RANBP2: variants seen among roughly 807,000 people sequenced by gnomAD.
RANBP2 encodes E3 SUMO-protein ligase RanBP2.
RANBP2 carries 57 observed loss-of-function variants against 303.6 expected under a neutral mutation model. That is an observed-to-expected ratio of 0.19 (90% confidence interval 0.15 to 0.23). RANBP2 has a LOEUF of 0.23. RANBP2 is among the 10% of genes least tolerant of loss of function. The pLI, the probability that RANBP2 is intolerant of heterozygous loss-of-function variation, is 1.00. For synonymous variants in RANBP2, 1,167 were observed against 1,301.5 expected (o/e 0.90, Z 2.23); for missense variants, 3,138 against 3,780.8 (o/e 0.83, Z 4.46).
chr2:109,503,150 T>G, the RANBP2 span: 1 of 152,334 alleles, frequency 6.6e-6, no homozygotes, highest in South Asian at 2.1e-4. Flanking sequence ...TTCTCAAGAT[T>G]CACACCTTAG....
intron 23 of RANBP2, among the ~76,000 whole-genome samples, chr2:108,773,385 AAAT>A (rs1342553991): frequency 6.6e-6 from 1 of 152,104 alleles, no homozygotes; most frequent in Non-Finnish European, 1.5e-5. Flanking sequence ...TGTTCTTACC[AAAT>A]AATAATAATG....
At chr2:108,872,579 C>T in the RANBP2 span, among the ~76,000 whole-genome samples, 1 of 152,072 alleles carries the variant, frequency 6.6e-6, no homozygotes, top group Non-Finnish European at 1.5e-5. Flanking sequence ...GGCGTATATT[C>T]TAGAGGCTGG....
chr2:109,611,835 A>G, the RANBP2 span, among the ~76,000 whole-genome samples: 1 of 152,176 alleles, frequency 6.6e-6, no homozygotes, highest in African/African-American at 2.4e-5. Flanking sequence ...ACACCACCAA[A>G]TGCTGGTAAG....
chr2:109,167,584 T>C, the RANBP2 span, among the ~76,000 whole-genome samples: 1 of 152,188 alleles, frequency 6.6e-6, no homozygotes, highest in Admixed American at 6.5e-5. Flanking sequence ...ATTTAGTTGT[T>C]TATTTTTGAG....
At chr2:109,646,704 C>T in the RANBP2 span, among the ~76,000 whole-genome samples, 1 of 147,640 alleles carries the variant, frequency 6.8e-6, no homozygotes, top group East Asian at 2.0e-4. Flanking sequence ...TAGGGTTTCA[C>T]CATGTTGGCC....
the RANBP2 span, chr2:109,552,870 A>G: frequency 1.9e-5 from 10 of 522,196 alleles, no homozygotes; most frequent in Non-Finnish European, 6.6e-6. Flanking sequence ...TAGTGACTCC[A>G]TAAATGTACT....
the RANBP2 span, among the ~76,000 whole-genome samples, chr2:108,909,114 A>G: frequency 7.9e-5 from 12 of 152,308 alleles, no homozygotes; most frequent in East Asian, 2.3e-3. Context: ...TGTATTTAAT[A>G]TTCGTGTATG....
chr2:109,726,808 C>G, the RANBP2 span, among the ~76,000 whole-genome samples: 1 of 152,172 alleles, frequency 6.6e-6, no homozygotes, highest in African/African-American at 2.4e-5. Flanking sequence ...GGAATGTGGT[C>G]GGGGATAGGC....
At chr2:109,331,771 CTGAT>C in the RANBP2 span, among the ~76,000 whole-genome samples, 3 of 152,198 alleles carry the variant, frequency 2.0e-5, no homozygotes, top group Non-Finnish European at 4.4e-5. Flanking sequence ...TACTTGGTGA[CTGAT>C]TGAATGAATA....
the RANBP2 span, among the ~76,000 whole-genome samples, chr2:109,716,720 G>C: frequency 1.3e-5 from 2 of 152,054 alleles, no homozygotes; most frequent in Admixed American, 6.6e-5. Context: ...CTAATGTTTT[G>C]CACTTTTAGT....
the RANBP2 span, among the ~76,000 whole-genome samples, chr2:109,572,959 G>GTAGTT: frequency 6.6e-6 from 1 of 151,994 alleles, no homozygotes; most frequent in African/African-American, 2.4e-5. Context: ...TTTTTACAGG[G>GTAGTT]TAGTTTACAC....
the RANBP2 span, chr2:109,432,438 G>T: frequency 6.3e-7 from 1 of 1,586,260 alleles, no homozygotes. Context: ...CCCCAGGAAT[G>T]CCGGCCGGTC....
At chr2:109,653,934 T>C in the RANBP2 span, among the ~76,000 whole-genome samples, 9 of 152,270 alleles carry the variant, frequency 5.9e-5, no homozygotes, top group African/African-American at 2.2e-4. Context: ...GGCAGTAAGC[T>C]GTGTTCTCCA....
intron 20 of RANBP2, among the ~76,000 whole-genome samples, chr2:108,770,137 C>CAT (rs1399027511): frequency 6.6e-6 from 1 of 152,196 alleles, no homozygotes; most frequent in African/African-American, 2.4e-5. Flanking sequence ...TGCCTATATA[C>CAT]TACTGTAGAA....
chr2:108,965,342 G>T, the RANBP2 span, among the ~76,000 whole-genome samples: 1 of 152,018 alleles, frequency 6.6e-6, no homozygotes, highest in Non-Finnish European at 1.5e-5. Flanking sequence ...TTAGCTGGGC[G>T]TGGTGGTGGG....
At chr2:109,134,320 G>A in the RANBP2 span, among the ~76,000 whole-genome samples, 1 of 152,120 alleles carries the variant, frequency 6.6e-6, no homozygotes, top group Non-Finnish European at 1.5e-5. Context: ...ATATAATAAG[G>A]ACTCCAGAGG....
chr2:109,178,395 G>A, the RANBP2 span, among the ~76,000 whole-genome samples: 1 of 152,160 alleles, frequency 6.6e-6, no homozygotes, highest in African/African-American at 2.4e-5. Context: ...AGGAATATTG[G>A]TGGTATGCTT....
chr2:109,747,789 T>A, the RANBP2 span, among the ~76,000 whole-genome samples: 9 of 141,984 alleles, frequency 6.3e-5, no homozygotes, highest in Non-Finnish European at 1.5e-5. Context: ...AAACTTTTGG[T>A]TCAGTTTGGT....
chr2:109,032,269 C>T, the RANBP2 span, among the ~76,000 whole-genome samples: 12 of 152,162 alleles, frequency 7.9e-5, no homozygotes, highest in Non-Finnish European at 1.5e-4. Flanking sequence ...GGGCATTTTC[C>T]GGAGTGAACT....
Sources: allele counts gnomAD v4.1 joint callset (sites outside exome capture counted in the v4.1 genomes callset), GRCh38; gene constraint gnomAD v4.1.1; transcripts MANE v1.5; gene names NCBI Gene and HGNC (gene_info 2026-07-23, HGNC 2026-07-21).